The following CSMD3 variants were observed in gnomAD, a reference collection of about 807,000 sequenced individuals.
The protein encoded by CSMD3 is CUB and Sushi multiple domains 3.
CSMD3 carries 177 observed loss-of-function variants against 435.2 expected under a neutral mutation model. That is an observed-to-expected ratio of 0.41 (90% CI 0.36 to 0.46). The LOEUF is 0.46. CSMD3 is among the 20% of genes least tolerant of loss of function. CSMD3 has a pLI of 0.34. For synonymous variants in CSMD3, 1,656 were observed against 1,520.5 expected, an observed-to-expected ratio of 1.09 and a Z score of -2.07; for missense variants, 4,265 against 4,504.6, an observed-to-expected ratio of 0.95 and a Z score of 1.52.
chr8:113,180,280 A>G (rs996297627), intron 3 of CSMD3, among the ~76,000 whole-genome samples: 21 of 151,952 alleles, frequency 1.4e-4, no homozygotes, highest in Admixed American at 1.3e-3. Flanking sequence ...CCATTTTCCA[A>G]ATTTTTTAGT....
intron 4 of CSMD3, among the ~76,000 whole-genome samples, chr8:113,142,834 G>A (rs975062574): frequency 2.0e-5 from 3 of 149,146 alleles, no homozygotes; most frequent in Admixed American, 1.3e-4. Context: ...CCCATTGTAT[G>A]CCTGTATCAA....
In CSMD3 at chr8:113,140,113, A is replaced by T. The variant is rs189220525; in HGVS notation, c.709+33609T>A. 2.1e-4 allele frequency among the ~76,000 whole-genome samples: 32 copies of T among 151,174 alleles called. No homozygotes were observed. In the East Asian group the frequency reaches 6.3e-3, roughly 30 times the overall value. ...CTACGTGTTATCATAGTCAAGGAGCATCTTTAGATTTGACAGCCAAGAAAA... is the reference window on the plus strand; with the variant it reads ...CTACGTGTTATCATAGTCAAGGAGCTTCTTTAGATTTGACAGCCAAGAAAA... On this transcript the variant is annotated intron_variant, in intron 4 of 70. Coordinates refer to ENST00000297405, the MANE Select transcript of CSMD3 (RefSeq NM_198123.2).
chr8:112,702,046 A>T (rs948039866), intron 13 of CSMD3, among the ~76,000 whole-genome samples: 7 of 152,066 alleles, frequency 4.6e-5, no homozygotes, highest in Non-Finnish European at 1.0e-4. Flanking sequence ...TGATTTACTC[A>T]TCTGTCTTTT....
At chr8:112,745,016 G>A (rs1182311479) in intron 13 of CSMD3, among the ~76,000 whole-genome samples, 1 of 152,088 alleles carries the variant, frequency 6.6e-6, no homozygotes, top group Admixed American at 6.6e-5. Flanking sequence ...GGGGACAAAC[G>A]GGGGTGTGCA....
intron 27 of CSMD3, among the ~76,000 whole-genome samples, chr8:112,518,101 TA>T (rs1399922094): frequency 6.6e-6 from 1 of 152,182 alleles, no homozygotes; most frequent in Non-Finnish European, 1.5e-5. Flanking sequence ...GATTCATATA[TA>T]TGACTTGGAT....
At chr8:112,479,568 G>T (rs1321547281) in intron 31 of CSMD3, among the ~76,000 whole-genome samples, 1 of 152,188 alleles carries the variant, frequency 6.6e-6, no homozygotes, top group Non-Finnish European at 1.5e-5. Flanking sequence ...CCTGCTGCCT[G>T]CCTTGGGAGG....
intron 10 of CSMD3, among the ~76,000 whole-genome samples, chr8:112,899,954 T>G (rs1437019243): frequency 6.6e-6 from 1 of 151,156 alleles, no homozygotes; most frequent in Non-Finnish European, 1.5e-5. Flanking sequence ...ACCTTCAATT[T>G]GGAAAGTTGT....
At chr8:112,816,652 AAAG>A (rs2079384239) in intron 12 of CSMD3, among the ~76,000 whole-genome samples, 1 of 152,064 alleles carries the variant, frequency 6.6e-6, no homozygotes, top group Admixed American at 6.6e-5. Flanking sequence ...AGATTTTAAA[AAAG>A]AATGTTGCTG....
chr8:112,352,750 G>A (rs377431470), intron 38 of CSMD3, among the ~76,000 whole-genome samples: 88 of 152,110 alleles, frequency 5.8e-4, no homozygotes, highest in African/African-American at 2.0e-3. Context: ...AATTTTTATG[G>A]CACCAGTCAT....
intron 28 of CSMD3, among the ~76,000 whole-genome samples, chr8:112,515,437 C>T (rs1469975964): frequency 6.6e-6 from 1 of 152,184 alleles, no homozygotes; most frequent in East Asian, 1.9e-4. Context: ...GAGTAGTAAA[C>T]AAACTTGAAA....
chr8:113,042,145 T>G (rs2087647927), intron 5 of CSMD3, among the ~76,000 whole-genome samples: 1 of 152,216 alleles, frequency 6.6e-6, no homozygotes, highest in South Asian at 2.1e-4. Flanking sequence ...TTTGTAAATT[T>G]TTATGTCCAC....
At chr8:112,469,388 C>T (rs1382824593) in intron 32 of CSMD3, among the ~76,000 whole-genome samples, 1 of 152,026 alleles carries the variant, frequency 6.6e-6, no homozygotes, top group Non-Finnish European at 1.5e-5. Flanking sequence ...ATGTGATTTT[C>T]TTTTTACATA....
At chr8:113,178,836 A>T (rs556182153) in intron 3 of CSMD3, among the ~76,000 whole-genome samples, 1 of 152,034 alleles carries the variant, frequency 6.6e-6, no homozygotes, top group Non-Finnish European at 1.5e-5. Flanking sequence ...GCGAAAAAAT[A>T]TTTCGAAAGG....
chr8:112,224,389 T>C lies in CSMD3; in HGVS notation c.*382A>G, dbSNP rs759631973. On this transcript the variant is annotated 3_prime_UTR_variant, in exon 71 of 71. Coordinates refer to ENST00000297405, the MANE Select transcript of CSMD3 (RefSeq NM_198123.2). ...AGTGATCTATTGACTCTTGTAAGTA[T>C]AGCTCTTATTTCTACCCTATATCTT... is the stretch of plus-strand genomic sequence containing the variant. The C allele has an allele frequency of 6.6e-5, 19 of 288,748 alleles. No individual in the cohort carries two copies. Among genetic ancestry groups the C allele is most frequent in the Non-Finnish European group, 1.2e-4 (18 of 147,078 alleles). 17.9% of individuals were successfully genotyped at this position (288,748 alleles called of 1,614,324 possible). A position where few individuals can be genotyped will look rare whatever the true frequency, so the allele number is the denominator to read the frequency against.
chr8:112,736,744 C>T (rs1394048380), intron 13 of CSMD3, among the ~76,000 whole-genome samples: 1 of 151,848 alleles, frequency 6.6e-6, no homozygotes, highest in African/African-American at 2.4e-5. Context: ...TTTTGTATTT[C>T]TGGTGTAGTG....
chr8:112,696,981 C>T (rs1408471829), intron 13 of CSMD3, among the ~76,000 whole-genome samples: 1 of 152,036 alleles, frequency 6.6e-6, no homozygotes, highest in Non-Finnish European at 1.5e-5. Flanking sequence ...AAAAAATGCT[C>T]ATCATCACTG....
chr8:112,241,628 T>C, intron 66 of CSMD3, 92 bp downstream of exon 66: 3 of 844,146 alleles, frequency 3.6e-6, no homozygotes, highest in South Asian at 1.4e-5. Flanking sequence ...TATACTTAAA[T>C]ATATTTTTTA....
At chr8:113,346,425 CAA>C (rs1469014146) in intron 1 of CSMD3, among the ~76,000 whole-genome samples, 1 of 152,002 alleles carries the variant, frequency 6.6e-6, no homozygotes. Flanking sequence ...ATTGAGGAAT[CAA>C]AAAGCTCCTC....
At chr8:112,935,419 T>G (rs2130733610) in intron 9 of CSMD3, among the ~76,000 whole-genome samples, 1 of 152,234 alleles carries the variant, frequency 6.6e-6, no homozygotes, top group South Asian at 2.1e-4. Context: ...TTTTATTTTA[T>G]TTTATTTTTG....
Sources: allele counts gnomAD v4.1 joint callset (sites outside exome capture counted in the v4.1 genomes callset), GRCh38; gene constraint gnomAD v4.1.1; transcripts MANE v1.5; gene names NCBI Gene and HGNC (gene_info 2026-07-23, HGNC 2026-07-21).